Variants in HDAC9 observed in about 807,000 individuals in gnomAD.
The protein encoded by HDAC9 is histone deacetylase 9, also known as MEF-2 interacting transcription repressor (MITR) protein.
A neutral mutation model predicts 139.4 loss-of-function variants in HDAC9; 41 were observed. That is an observed-to-expected ratio of 0.29 (90% CI 0.23 to 0.38). The LOEUF is 0.38. Ranked by LOEUF, HDAC9 falls within the 10% of genes least tolerant of loss-of-function variation. The pLI is 1.00. For synonymous variants in HDAC9, 517 were observed against 476.2 expected (o/e 1.09, Z -1.12); for missense variants, 1,147 against 1,297.0 (o/e 0.88, Z 1.78).
intron 2 of HDAC9, among the ~76,000 whole-genome samples, chr7:18,544,969 C>T (rs1051440694): frequency 3.3e-5 from 5 of 152,132 alleles, no homozygotes; most frequent in African/African-American, 9.7e-5. Flanking sequence ...CAAAACTGAG[C>T]GGTGGTGGAG....
In HDAC9 at chr7:18,666,279, C is replaced by T. The variant is rs1488432057; in HGVS notation, c.1534C>T (p.Leu512Phe). 6.2e-7 allele frequency: 1 copy of T among 1,613,348 alleles called. No homozygotes were observed. Among genetic ancestry groups the T allele is most frequent in the African/African-American group, 1.3e-5 (1 of 74,868 alleles). ...TCACCTTGAGGAAGCAGAGGAAGAG[C>T]TTCAGGGGGACCAGGCGATGCAGGA... ...GSHLEEAEEE[L>F]QGDQAMQEDR... The change falls in exon 12 of 26, where the codon CTT becomes TTT. Residue 512 changes from leucine to phenylalanine, a missense_variant. Transcript: ENST00000686413.
chr7:18,607,613 T>C (rs901033065), intron 6 of HDAC9, among the ~76,000 whole-genome samples: 8 of 152,332 alleles, frequency 5.3e-5, no homozygotes, highest in Admixed American at 3.9e-4. Flanking sequence ...AATGTAATTA[T>C]TGAAGAACTA....
At chr7:18,478,442 C>T (rs551440117) in intron 1 of HDAC9, among the ~76,000 whole-genome samples, 15 of 152,172 alleles carry the variant, frequency 9.9e-5, no homozygotes, top group Non-Finnish European at 2.2e-4. Flanking sequence ...TGATGGGCTG[C>T]GCATTATTAG....
intron 6 of HDAC9, among the ~76,000 whole-genome samples, chr7:18,610,644 T>C (rs73063132): frequency 0.013 from 1,932 of 152,300 alleles, 24 homozygotes; most frequent in Non-Finnish European, 0.02. Context: ...GTATAAACTT[T>C]TCTGTTTAGA....
intron 16 of HDAC9, among the ~76,000 whole-genome samples, chr7:18,785,964 A>G (rs186070161): frequency 9.2e-5 from 14 of 152,306 alleles, no homozygotes; most frequent in African/African-American, 3.4e-4. Flanking sequence ...TTGCTAGACA[A>G]TAATATTATT....
At chr7:18,345,691 C>A (rs943542214) in intron 1 of HDAC9, among the ~76,000 whole-genome samples, 3 of 151,760 alleles carry the variant, frequency 2.0e-5, no homozygotes, top group African/African-American at 7.3e-5. Flanking sequence ...GATGAGAATT[C>A]ATTTTATCTT....
intron 25 of HDAC9, among the ~76,000 whole-genome samples, chr7:18,982,050 C>T (rs1226802164): frequency 6.6e-6 from 1 of 151,516 alleles, no homozygotes; most frequent in Non-Finnish European, 1.5e-5. Flanking sequence ...AGATTTCACA[C>T]AGTAAATAGG....
At chr7:18,135,290 A>G (rs1241168015) in intron 1 of HDAC9, among the ~76,000 whole-genome samples, 4 of 147,352 alleles carry the variant, frequency 2.7e-5, no homozygotes, top group Non-Finnish European at 6.0e-5. Context: ...AGTATTTACC[A>G]TATTCTTTTT....
intron 2 of HDAC9, among the ~76,000 whole-genome samples, chr7:18,189,947 G>A (rs1284661241): frequency 6.6e-6 from 1 of 151,314 alleles, no homozygotes; most frequent in Non-Finnish European, 1.5e-5. Flanking sequence ...GTGTGTGTGT[G>A]TGTACGTTTG....
At chr7:18,485,264 C>T (rs1180688038) in intron 1 of HDAC9, among the ~76,000 whole-genome samples, 1 of 152,018 alleles carries the variant, frequency 6.6e-6, no homozygotes, top group African/African-American at 2.4e-5. Flanking sequence ...TCAGATTTGG[C>T]TTTATAAAAA....
intron 1 of HDAC9, among the ~76,000 whole-genome samples, chr7:18,102,772 A>G (rs1417256023): frequency 6.6e-6 from 1 of 152,188 alleles, no homozygotes; most frequent in Non-Finnish European, 1.5e-5. Context: ...TGACCACAGG[A>G]TATAAACAGA....
chr7:18,171,817 G>A (rs1258635763), intron 2 of HDAC9, among the ~76,000 whole-genome samples: 2 of 152,176 alleles, frequency 1.3e-5, no homozygotes, highest in East Asian at 1.9e-4. Context: ...TGGTGGATAA[G>A]CATTTTGATG....
chr7:18,297,746 T>G (rs1335739359), intron 1 of HDAC9, among the ~76,000 whole-genome samples: 1 of 152,198 alleles, frequency 6.6e-6, no homozygotes, highest in Non-Finnish European at 1.5e-5. Context: ...ATGTCAGTGC[T>G]AGGTAAAAAT....
At chr7:18,439,095 A>G (rs888099551) in intron 1 of HDAC9, among the ~76,000 whole-genome samples, 5 of 152,178 alleles carry the variant, frequency 3.3e-5, no homozygotes, top group Admixed American at 6.5e-5. Context: ...CAGTTAATTT[A>G]TCTTACATTA....
intron 22 of HDAC9, among the ~76,000 whole-genome samples, chr7:18,908,917 C>T (rs896553367): frequency 5.9e-5 from 9 of 152,092 alleles, no homozygotes; most frequent in Non-Finnish European, 1.3e-4. Context: ...TTTGGATATA[C>T]ACACAGTTGT....
rs547012287 is a variant in HDAC9, at chr7:18,170,145, T to C, written c.25+7796T>C. On this transcript the variant is annotated intron_variant, in intron 2 of 12. Coordinates refer to the HDAC9 transcript ENST00000417496. ...TGTTGTTTCCTGACTCTTTAATGAT[T>C]GCCATTCTAACTGGTGTGAGATGGT... 2.2e-4 allele frequency among the ~76,000 whole-genome samples: 34 copies of C among 152,302 alleles called. No homozygotes were observed. In the South Asian group the frequency reaches 6.8e-3, roughly 31 times the overall value.
At chr7:18,112,677 A>T (rs144950070) in intron 1 of HDAC9, among the ~76,000 whole-genome samples, 1 of 152,222 alleles carries the variant, frequency 6.6e-6, no homozygotes, top group African/African-American at 2.4e-5. Flanking sequence ...TTATTTGTCA[A>T]TTGTGTGCTG....
intron 1 of HDAC9, among the ~76,000 whole-genome samples, chr7:18,120,919 G>A (rs964787978): frequency 6.6e-6 from 1 of 152,172 alleles, no homozygotes; most frequent in Non-Finnish European, 1.5e-5. Flanking sequence ...AAGGATGAGA[G>A]TTTACTTCCA....
At chr7:18,667,483 A>T (rs1795157200) in intron 12 of HDAC9, 1 of 984,572 alleles carries the variant, frequency 1.0e-6, no homozygotes, top group Non-Finnish European at 1.2e-6. Flanking sequence ...TTTAACAAAA[A>T]AATTTACTTG....
Sources: gnomAD v4.1 joint callset for allele counts (sites outside exome capture counted in the v4.1 genomes callset) on GRCh38, gnomAD v4.1.1 for gene constraint, MANE v1.5 for transcripts, NCBI Gene and HGNC (gene_info 2026-07-23, HGNC 2026-07-21) for gene names.